The following TRIM49 variants were observed in gnomAD, a reference collection of about 807,000 sequenced individuals.
TRIM49 encodes tripartite motif containing 49, also known as tripartite motif-containing protein 49.
A neutral mutation model predicts 27.4 loss-of-function variants in TRIM49; 5 were observed. That is an observed-to-expected ratio of 0.18 (90% CI 0.10 to 0.38). The LOEUF (loss-of-function observed/expected upper bound fraction) is 0.38. TRIM49 is among the 10% of genes least tolerant of loss of function. The probability of loss-of-function intolerance (pLI) is 1.00; values close to 1 mark genes in which losing one functional copy is unlikely to be tolerated. For synonymous variants in TRIM49, 69 were observed against 166.0 expected, an observed-to-expected ratio of 0.42 and a Z score of 4.49; for missense variants, 188 against 487.5, an observed-to-expected ratio of 0.39 and a Z score of 5.79.
the TRIM49 span, among the ~76,000 whole-genome samples, chr11:89,792,105 TA>T: frequency 1.3e-5 from 2 of 151,794 alleles, no homozygotes. Flanking sequence ...TAGTCTCTGA[TA>T]AAACAGACTT....
chr11:89,769,849 T>G, the TRIM49 span, among the ~76,000 whole-genome samples: 2 of 90,398 alleles, frequency 2.2e-5, no homozygotes, highest in Non-Finnish European at 4.0e-5. Flanking sequence ...AGAGTGTCTC[T>G]ATGGGAGGAA....
intron 1 of TRIM49, among the ~76,000 whole-genome samples, 189 bp from the exon 2 acceptor site, chr11:89,807,473 T>C (rs1285707609): frequency 1.3e-5 from 2 of 151,306 alleles, no homozygotes; most frequent in African/African-American, 4.9e-5. Context: ...AGAGCATACA[T>C]AGGCTAGAAA....
downstream of TRIM49, among the ~76,000 whole-genome samples, chr11:89,794,449 A>G (rs1370909387): frequency 1.3e-3 from 193 of 151,078 alleles, no homozygotes; most frequent in Middle Eastern, 3.4e-3. Flanking sequence ...AAGCCAAAAG[A>G]ACAAAGCTGG....
At chr11:89,807,669 T>C (rs1297046065) in intron 1 of TRIM49, among the ~76,000 whole-genome samples, 1 of 151,034 alleles carries the variant, frequency 6.6e-6, no homozygotes, top group Non-Finnish European at 1.5e-5. Context: ...GCTACGACTT[T>C]AGGCTCACAC....
chr11:89,795,996 A>G (rs1949685572), downstream of TRIM49, among the ~76,000 whole-genome samples: 1 of 151,530 alleles, frequency 6.6e-6, no homozygotes, highest in Non-Finnish European at 1.5e-5. Context: ...GATATCCGCA[A>G]ATCCTCTAGA....
chr11:89,791,520 G>A, the TRIM49 span, among the ~76,000 whole-genome samples: 1 of 150,904 alleles, frequency 6.6e-6, no homozygotes, highest in African/African-American at 2.4e-5. Flanking sequence ...ACAAAGGGAA[G>A]CCCATCAGAC....
chr11:89,792,750 T>G (rs1347233931), downstream of TRIM49, among the ~76,000 whole-genome samples: 1 of 151,886 alleles, frequency 6.6e-6, no homozygotes, highest in African/African-American at 2.4e-5. Flanking sequence ...AAGCAGTGTG[T>G]GGAGGGAAAT....
At chr11:89,805,226 A>C (rs1380370169) in intron 2 of TRIM49, among the ~76,000 whole-genome samples, 1 of 150,916 alleles carries the variant, frequency 6.6e-6, no homozygotes, top group Non-Finnish European at 1.5e-5. Flanking sequence ...CTCTGAACTA[A>C]CATATAGGAG....
downstream of TRIM49, among the ~76,000 whole-genome samples, chr11:89,796,873 A>G (rs1949693664): frequency 6.6e-6 from 1 of 151,770 alleles, no homozygotes; most frequent in Non-Finnish European, 1.5e-5. Flanking sequence ...GATGCAGTGA[A>G]CAATATTGTG....
At chr11:89,801,168 T>C (rs1229938187) in intron 5 of TRIM49, among the ~76,000 whole-genome samples, 180 bp from the exon 6 acceptor site, 1 of 150,172 alleles carries the variant, frequency 6.7e-6, no homozygotes, top group African/African-American at 2.5e-5. Flanking sequence ...TGTTATTAAT[T>C]AACGTCCTGG....
intron 4 of TRIM49, among the ~76,000 whole-genome samples, chr11:89,802,671 C>T (rs183413909): frequency 0.015 from 2,214 of 144,910 alleles, 5 homozygotes; most frequent in Non-Finnish European, 0.024. Flanking sequence ...TATATATCCA[C>T]ACACACATTT....
the TRIM49 span, among the ~76,000 whole-genome samples, chr11:89,768,579 C>T: frequency 7.4e-6 from 1 of 135,796 alleles, no homozygotes; most frequent in African/African-American, 3.4e-5. Context: ...GCATTGAACT[C>T]TTCAAAACAG....
downstream of TRIM49, among the ~76,000 whole-genome samples, chr11:89,793,085 T>C (rs1482345740): frequency 3.3e-5 from 5 of 152,214 alleles, no homozygotes; most frequent in African/African-American, 9.6e-5. Flanking sequence ...CCCACAGAAA[T>C]ACAAACTACC....
the TRIM49 span, among the ~76,000 whole-genome samples, chr11:89,792,472 A>C: frequency 6.6e-6 from 1 of 151,724 alleles, no homozygotes; most frequent in Admixed American, 6.6e-5. Flanking sequence ...CACTTATTCC[A>C]AAATTGACCA....
the TRIM49 span, among the ~76,000 whole-genome samples, chr11:89,791,575 T>C: frequency 4.0e-5 from 6 of 150,052 alleles, no homozygotes; most frequent in Admixed American, 4.0e-4. Context: ...CAGAAGTGAG[T>C]GGGGGCCAAT....
chr11:89,790,733 C>A, the TRIM49 span, among the ~76,000 whole-genome samples: 1 of 151,870 alleles, frequency 6.6e-6, no homozygotes, highest in Non-Finnish European at 1.5e-5. Flanking sequence ...GACATCCACA[C>A]CAAAACCCCA....
the TRIM49 span, among the ~76,000 whole-genome samples, chr11:89,783,784 G>T: frequency 6.8e-6 from 1 of 146,042 alleles, no homozygotes; most frequent in African/African-American, 2.7e-5. Flanking sequence ...CGGCTTACCT[G>T]CTCTAACAAA....
chr11:89,766,972 A>C, the TRIM49 span: 3 of 880,012 alleles, frequency 3.4e-6, no homozygotes, highest in Non-Finnish European at 3.5e-6. Flanking sequence ...AAATAGTCAG[A>C]TCTGTCAGAA....
downstream of TRIM49, among the ~76,000 whole-genome samples, chr11:89,793,917 G>A (rs1269188711): frequency 6.6e-6 from 1 of 151,506 alleles, no homozygotes; most frequent in African/African-American, 2.4e-5. Flanking sequence ...GAAATAAAGG[G>A]TATTCAATTA....
Sources: allele counts gnomAD v4.1 joint callset (sites outside exome capture counted in the v4.1 genomes callset), GRCh38; gene constraint gnomAD v4.1.1; transcripts MANE v1.5; gene names NCBI Gene and HGNC (gene_info 2026-07-23, HGNC 2026-07-21).